The following SF3B3 variants were observed in gnomAD, a reference collection of about 807,000 sequenced individuals.
SF3B3 encodes SAP 130.
Under a neutral mutation model 139.2 loss-of-function variants are expected in SF3B3, and 33 were observed. The observed-to-expected ratio is 0.24, with a 90% CI of 0.18 to 0.32. SF3B3 has a LOEUF of 0.32. Ranked by LOEUF, SF3B3 falls within the 10% of genes least tolerant of loss-of-function variation. The probability of loss-of-function intolerance (pLI) is 1.00; values close to 1 mark genes in which losing one functional copy is unlikely to be tolerated. For synonymous variants in SF3B3, 596 were observed against 563.6 expected (o/e 1.06, Z -0.81); for missense variants, 818 against 1,509.4 (o/e 0.54, Z 7.59).
At chr16:70,533,877 A>G (rs2050143900) in intron 5 of SF3B3, among the ~76,000 whole-genome samples, 2 of 152,200 alleles carry the variant, frequency 1.3e-5, no homozygotes, top group Admixed American at 6.5e-5. Context: ...CATACCTTTC[A>G]TTTACAAGGG....
intron 9 of SF3B3, 131 bp from the exon 10 acceptor site, chr16:70,544,307 C>G (rs1159175880): frequency 3.2e-6 from 2 of 628,074 alleles, no homozygotes; most frequent in African/African-American, 3.7e-5. Context: ...AGATCATTCA[C>G]CTCTTTTCAC....
chr16:70,526,363 A>G (rs1010428234), intron 1 of SF3B3, among the ~76,000 whole-genome samples: 68 of 152,172 alleles, frequency 4.5e-4, no homozygotes, highest in African/African-American at 1.5e-3. Context: ...GCACAGCACC[A>G]TGCCCAGCTA....
Position 70,570,041 on chromosome 16 carries a change from G to A in SF3B3, c.3300G>A (p.Thr1100=), listed in dbSNP as rs137934020. Residue 1100 remains threonine (T), a synonymous_variant, in exon 24 of 26, where the codon ACG becomes ACA. Transcript: ENST00000302516. ...TCATGAACTACCATGTCGGGGAGAC[G>A]GTGCTGTCCTTGCAGAAGACCACGC... ...EVIMNYHVGE[T]VLSLQKTTLI... is the part of the protein sequence containing the mutation. 2.0e-4 allele frequency: 315 copies of A among 1,614,040 alleles called. 3 individuals are homozygous for A. In the East Asian group the frequency reaches 6.8e-3, roughly 35 times the overall value.
At position 70,561,621 on chromosome 16, in the gene SF3B3, T is replaced by C. The variant is rs533589760; in HGVS notation, c.2134-9T>C. ...CCTTATTGGAGCTGGGTTTTTTTTT[T>C]CCCCTCAGGTATTGGCCATGTCAAG... On this transcript the variant is annotated splice_polypyrimidine_tract_variant and intron_variant, in intron 16 of 25. Coordinates refer to ENST00000302516, the MANE Select transcript of SF3B3 (RefSeq NM_012426.5). The C allele has an allele frequency of 5.9e-5, 95 of 1,607,146 alleles. 1 individual carries two copies. Among genetic ancestry groups the C allele is most frequent in the South Asian group, 5.2e-4 (47 of 89,566 alleles).
intron 10 of SF3B3, among the ~76,000 whole-genome samples, chr16:70,546,619 C>T (rs1038972052): frequency 1.3e-5 from 2 of 151,970 alleles, no homozygotes; most frequent in Admixed American, 6.6e-5. Flanking sequence ...CCACTGTACT[C>T]CAGCTTGGGC....
intron 4 of SF3B3, among the ~76,000 whole-genome samples, chr16:70,531,503 C>T (rs1488987496): frequency 6.6e-6 from 1 of 152,040 alleles, no homozygotes; most frequent in Non-Finnish European, 1.5e-5. Flanking sequence ...TCTTCTGACC[C>T]CAGGTGATTG....
intron 16 of SF3B3, 86 bp from the exon 17 acceptor site, chr16:70,561,544 T>A: frequency 8.6e-7 from 1 of 1,157,454 alleles, no homozygotes; most frequent in Non-Finnish European, 1.3e-6. Context: ...AGACTGAAAT[T>A]TGGGGATAGG....
At chr16:70,561,313 A>G in intron 16 of SF3B3, 1 of 212,074 alleles carries the variant, frequency 4.7e-6, no homozygotes, top group Non-Finnish European at 9.3e-6. Flanking sequence ...GAGCCACCGC[A>G]CCTGGCCTTC....
chr16:70,556,155 C>G (rs768967240), intron 13 of SF3B3, 24 bp from the exon 14 acceptor site: 1 of 1,613,764 alleles, frequency 6.2e-7, no homozygotes, highest in South Asian at 1.1e-5. Context: ...TAGTTTTGAC[C>G]TTGCTGTGTC....
Position 70,532,534 on chromosome 16 carries a change from C to T in SF3B3, c.626C>T (p.Thr209Ile). 6.2e-7 allele frequency: 1 copy of T among 1,614,018 alleles called. No homozygotes were observed. Among genetic ancestry groups the T allele is most frequent in the Non-Finnish European group, 8.5e-7 (1 of 1,179,922 alleles). Residue 209 changes from threonine (T) to isoleucine (I), a missense_variant, in exon 5 of 26, where the codon ACT (threonine) becomes ATT (isoleucine). Transcript: ENST00000302516. The stretch of plus-strand genomic sequence containing the variant: ...GCAGCTAATACCCAGCAGACACTTA[C>T]TTTCTATGAGCTAGACCTTGGTTTA... ...EAAANTQQTL[T>I]FYELDLGLNH... is the part of the protein sequence containing the mutation.
At chr16:70,526,556 C>A in intron 1 of SF3B3, 31 bp from the exon 2 acceptor site, 1 of 756,148 alleles carries the variant, frequency 1.3e-6, no homozygotes, top group South Asian at 1.7e-5. Flanking sequence ...TAATAGTCTC[C>A]CAGCTATTTT....
At chr16:70,559,432 A>G (rs1283707972) in intron 15 of SF3B3, among the ~76,000 whole-genome samples, 1 of 152,088 alleles carries the variant, frequency 6.6e-6, no homozygotes, top group East Asian at 1.9e-4. Flanking sequence ...CACACCTGTA[A>G]TCCCAGCGCT....
chr16:70,563,719 A>C (rs958493034), intron 17 of SF3B3, 157 bp from the exon 18 acceptor site: 2 of 636,428 alleles, frequency 3.1e-6, no homozygotes, highest in East Asian at 5.6e-5. Context: ...TCTGCATCGC[A>C]GAGTTTTCTA....
At chr16:70,548,123 T>C (rs2050286338) in intron 10 of SF3B3, among the ~76,000 whole-genome samples, 1 of 152,162 alleles carries the variant, frequency 6.6e-6, no homozygotes, top group East Asian at 1.9e-4. Flanking sequence ...GAAAGGGGTA[T>C]GGTTTTGCCT....
rs1444187562 is a variant in SF3B3 at position 70,572,009 on chromosome 16, C to T, written c.*196C>T. 1 of 705,930 alleles carries T rather than the reference C, an allele frequency of 1.4e-6. No individual in the cohort carries two copies. The highest frequency in any genetic ancestry group is 2.8e-5 in the East Asian group (1 of 36,036). The allele number at this position is 705,930 out of a possible 1,614,324, so 43.7% of individuals were successfully genotyped here. A position where few individuals can be genotyped will look rare whatever the true frequency, so the allele number is the denominator to read the frequency against. ...CCCCTCAAATTGGCACTGAGATTTG[C>T]TACACTTCTCCCCACCTGGTACATG... On this transcript the variant is annotated 3_prime_UTR_variant, in exon 26 of 26. Coordinates refer to ENST00000302516, the MANE Select transcript of SF3B3 (RefSeq NM_012426.5).
chr16:70,539,267 G>C (rs2050196556), intron 8 of SF3B3, 60 bp downstream of exon 8: 1 of 1,222,802 alleles, frequency 8.2e-7, no homozygotes. Flanking sequence ...GGCAGCAGAA[G>C]CTGGGTGCAG....
intron 15 of SF3B3, 62 bp from the exon 16 acceptor site, chr16:70,560,407 G>GT (rs1256188671): frequency 2.3e-5 from 37 of 1,578,188 alleles, no homozygotes; most frequent in Non-Finnish European, 3.2e-5. Context: ...CAAGGGAGAG[G>GT]TTTTCCCATC....
intron 9 of SF3B3, among the ~76,000 whole-genome samples, chr16:70,543,788 A>G (rs1001279650): frequency 2.6e-5 from 4 of 152,048 alleles, no homozygotes; most frequent in African/African-American, 7.2e-5. Flanking sequence ...TCTGCCATGG[A>G]TCTTTTTGCT....
chr16:70,556,152 G>A, intron 13 of SF3B3, 27 bp from the exon 14 acceptor site: 1 of 1,613,574 alleles, frequency 6.2e-7, no homozygotes, highest in Non-Finnish European at 8.5e-7. Context: ...CTGTAGTTTT[G>A]ACCTTGCTGT....
Sources: allele counts gnomAD v4.1 joint callset (sites outside exome capture counted in the v4.1 genomes callset), GRCh38; gene constraint gnomAD v4.1.1; transcripts MANE v1.5; gene names NCBI Gene and HGNC (gene_info 2026-07-23, HGNC 2026-07-21).